Variants in HAPLN4 observed in about 807,000 individuals in gnomAD.
The protein encoded by HAPLN4 is brain link protein 2.
Under a neutral mutation model 28.0 loss-of-function variants are expected in HAPLN4, and 19 were observed. The ratio of observed to expected loss-of-function variants is 0.68; its 90% CI spans 0.47 to 1.00. The LOEUF (loss-of-function observed/expected upper bound fraction) is 1.00. Among genes scored for constraint, HAPLN4 ranks in the 50% least tolerant of loss-of-function variants. HAPLN4 has a pLI of 0.00. For missense variants in HAPLN4, 587 were observed against 602.6 expected (o/e 0.97, Z 0.27); for synonymous variants, 274 against 273.0 (o/e 1.00, Z -0.03).
intron 3 of HAPLN4, among the ~76,000 whole-genome samples, chr19:19,259,087 C>T (rs1471370039): frequency 6.6e-6 from 1 of 152,148 alleles, no homozygotes; most frequent in Non-Finnish European, 1.5e-5. Flanking sequence ...GTGTCCATCC[C>T]CTTCCACCTC....
In HAPLN4 at chr19:19,259,643, G is replaced by A. The variant is rs968068841; in HGVS notation, c.485-788C>T. Among the ~76,000 whole-genome samples the A allele has an allele frequency of 6.6e-5, 10 of 152,068 alleles. No individual in the cohort carries two copies. In the East Asian group the frequency reaches 1.9e-3, roughly 29 times the overall value. On this transcript the variant is annotated intron_variant, in intron 3 of 4. Coordinates refer to ENST00000291481, the MANE Select transcript of HAPLN4 (RefSeq NM_023002.3). ...TGCTGGTAATAGCTGTCTCCCTTGG[G>A]GTTTTTAGGAAATTAAATTAGAGAC...
rs1373006047 is a variant in HAPLN4, at chr19:19,255,677, G to A, written c.*2140C>T. 1.3e-5 allele frequency: 2 copies of A among 152,258 alleles called. No individual in the cohort carries two copies. The highest frequency in any genetic ancestry group is 4.8e-5 in the African/African-American group (2 of 41,446). 9.4% of individuals were successfully genotyped at this position (152,258 alleles called of 1,614,324 possible). ...ATCAAAAGAAACAAGGATTTATTGA[G>A]CCCCTACTGTATGCTTGGCACTCAC... On this transcript the variant is annotated 3_prime_UTR_variant, in exon 5 of 5. Coordinates refer to ENST00000291481, the MANE Select transcript of HAPLN4 (RefSeq NM_023002.3).
Position 19,255,325 on chromosome 19 carries a change from A to G in HAPLN4, c.*2492T>C, listed in dbSNP as rs929628829. 6.6e-6 allele frequency: 1 copy of G among 152,200 alleles called. No homozygotes were observed. Among genetic ancestry groups the G allele is most frequent in the African/African-American group, 2.4e-5 (1 of 41,426 alleles). 9.4% of individuals were successfully genotyped at this position (152,200 alleles called of 1,614,324 possible). A position where few individuals can be genotyped will look rare whatever the true frequency, so the allele number is the denominator to read the frequency against. The stretch of plus-strand genomic sequence containing the variant: ...TTTGGGAGGCCGAGGTGGGTAGATC[A>G]CCTGAGGTCAGGAGTTCAAGACCAG... On this transcript the variant is annotated 3_prime_UTR_variant, in exon 5 of 5. Coordinates refer to ENST00000291481, the MANE Select transcript of HAPLN4 (RefSeq NM_023002.3).
Position 19,260,925 on chromosome 19 carries a change from C to A in HAPLN4, c.372G>T (p.Gly124=), listed in dbSNP as rs943560539. 4.3e-6 allele frequency: 7 copies of A among 1,614,014 alleles called. No individual in the cohort carries two copies. The highest frequency in any genetic ancestry group is 5.1e-6 in the Non-Finnish European group (6 of 1,180,030). Residue 124 remains glycine (G), a synonymous_variant, in exon 3 of 5, where the codon GGG becomes GGT. Coordinates refer to ENST00000291481, the MANE Select transcript of HAPLN4 (RefSeq NM_023002.3). ...CGTTGCGGAGGACCAGGGAGGCATC[C>A]CCAGGCCCGTCGCCCTGCAGCTCAG... The part of the protein sequence containing the change: ...GRAELQGDGP[G]DASLVLRNVT...
At position 19,261,021 on chromosome 19, in the gene HAPLN4, C is replaced by G. The variant is rs781276292; in HGVS notation, c.276G>C (p.Pro92=). 6.2e-7 allele frequency: 1 copy of G among 1,613,582 alleles called. No individual in the cohort carries two copies. The highest frequency in any genetic ancestry group is 1.7e-5 in the Admixed American group (1 of 60,024). Residue 92 remains proline (P), a synonymous_variant, in exon 3 of 5, where the codon CCG becomes CCC. Coordinates refer to ENST00000291481, the MANE Select transcript of HAPLN4 (RefSeq NM_023002.3). ...CCACGAAGACGTCGGTGAAGGCCAG[C>G]GGGTCCACCACCTTTGTCCACTTGA... ...VRLKWTKVVD[P]LAFTDVFVAL... is the part of the protein sequence containing the mutation.
At chr19:19,261,817 A>G in intron 1 of HAPLN4, 1 of 378,414 alleles carries the variant, frequency 2.6e-6, no homozygotes, top group Non-Finnish European at 4.6e-6. Context: ...CCCCCACCCC[A>G]AAACCCGAGG....
In HAPLN4 at chr19:19,261,046, A is replaced by G; in HGVS notation, c.251T>C (p.Leu84Pro). 1 of 1,613,334 alleles carries G rather than the reference A, an allele frequency of 6.2e-7. No homozygotes were observed. The highest frequency in any genetic ancestry group is 1.3e-5 in the African/African-American group (1 of 75,028). Residue 84 changes from leucine to proline, a missense_variant, in exon 3 of 5, where the codon CTC becomes CCC. Leu to Pro is a moderately conservative substitution (Grantham distance 98). Coordinates refer to ENST00000291481, the MANE Select transcript of HAPLN4 (RefSeq NM_023002.3). ...AAAHGHDGVR[L>P]KWTKVVDPLA... ...CGGGTCCACCACCTTTGTCCACTTG[A>G]GCCGGACGCCGTCGTGACCGTGGGC...
At position 19,258,681 on chromosome 19, in the gene HAPLN4, T is replaced by C; in HGVS notation, c.659A>G (p.Gln220Arg). Residue 220 changes from glutamine (Q) to arginine (R), a missense_variant, in exon 4 of 5, where the codon CAA becomes CGA. Physicochemically the swap from Gln to Arg is conservative, Grantham distance 43. Transcript: ENST00000291481. This position sits in a 1 kb window ranked among gnomAD's most constrained non-coding sequence, Gnocchi z 6.2. ...CTCCCGGGGCCGGTTCACGGGGTATTGCACTGAGCCGTCGCGCAACCAGCC... is the reference window on the plus strand; with the variant it reads ...CTCCCGGGGCCGGTTCACGGGGTATCGCACTGAGCCGTCGCGCAACCAGCC... Reference protein sequence around the residue: ...NAGWLRDGSVQYPVNRPREPC... With the variant: ...NAGWLRDGSVRYPVNRPREPC... 1 of 1,609,336 alleles carries C rather than the reference T, an allele frequency of 6.2e-7. No homozygotes were observed. The highest frequency in any genetic ancestry group is 1.1e-5 in the South Asian group (1 of 90,772).
chr19:19,262,708 C>A (rs748697414), intron 1 of HAPLN4, 22 bp downstream of exon 1: 11 of 1,612,186 alleles, frequency 6.8e-6, no homozygotes, highest in Middle Eastern at 1.6e-4. Flanking sequence ...CACACACCAC[C>A]CGCGCCCGCA....
At position 19,255,970 on chromosome 19, in the gene HAPLN4, A is replaced by G. The variant is rs1568607277; in HGVS notation, c.*1847T>C. 2 of 152,412 alleles carry G rather than the reference A, an allele frequency of 1.3e-5. No homozygotes were observed. Among genetic ancestry groups the G allele is most frequent in the South Asian group, 4.1e-4 (2 of 4,828 alleles). 9.4% of individuals were successfully genotyped at this position (152,412 alleles called of 1,614,324 possible). A position where few individuals can be genotyped will look rare whatever the true frequency, so the allele number is the denominator to read the frequency against. On this transcript the variant is annotated 3_prime_UTR_variant, in exon 5 of 5. Transcript: ENST00000291481. ...ATCATGTCCCCCCAGCTGCCTGTCA[A>G]CGCCGAGGACTTCGGCTGGGTCCTG...
chr19:19,259,866 C>T (rs2060977596), intron 3 of HAPLN4, among the ~76,000 whole-genome samples: 1 of 152,204 alleles, frequency 6.6e-6, no homozygotes, highest in Non-Finnish European at 1.5e-5. Flanking sequence ...CCCCACCTCC[C>T]AGCTCCAGGG....
At chr19:19,260,453 G>A (rs2060979148) in intron 3 of HAPLN4, among the ~76,000 whole-genome samples, 1 of 152,108 alleles carries the variant, frequency 6.6e-6, no homozygotes, top group South Asian at 2.1e-4. Context: ...CTGACCTCAG[G>A]TGATCCGCCT....
chr19:19,260,953 C>G lies in HAPLN4; in HGVS notation c.344G>C (p.Arg115Pro). ...AGGCCCGTCGCCCTGCAGCTCAGCC[C>G]GCCCACGGTAGCTGCCGAATGCCCG... Reference protein sequence around the residue: ...QHRAFGSYRGRAELQGDGPGD... With the variant: ...QHRAFGSYRGPAELQGDGPGD... Residue 115 changes from arginine to proline, a missense_variant, in exon 3 of 5, where the codon CGG becomes CCG. Arg to Pro is a moderately radical substitution (Grantham distance 103). Coordinates refer to ENST00000291481, the MANE Select transcript of HAPLN4 (RefSeq NM_023002.3). 6.2e-7 allele frequency: 1 copy of G among 1,613,846 alleles called. No homozygotes were observed. Among genetic ancestry groups the G allele is most frequent in the Non-Finnish European group, 8.5e-7 (1 of 1,179,998 alleles).
At chr19:19,261,638 C>T (rs909487480) in intron 1 of HAPLN4, 75 bp from the exon 2 acceptor site, 8 of 991,334 alleles carry the variant, frequency 8.1e-6, no homozygotes, top group Admixed American at 6.9e-5. Flanking sequence ...CCTCCCGGGC[C>T]TGCCTTCCCC....
chr19:19,257,849 C>G lies in HAPLN4; in HGVS notation c.1177G>C (p.Asp393His). 1.4e-6 allele frequency: 2 copies of G among 1,413,240 alleles called. No individual in the cohort carries two copies. Among genetic ancestry groups the G allele is most frequent in the East Asian group, 2.8e-5 (1 of 36,082 alleles). The allele number at this position is 1,413,240 out of a possible 1,614,324, so 87.5% of individuals were successfully genotyped here. The change falls in exon 5 of 5, where the codon GAT becomes CAT. Residue 393 changes from aspartate (D) to histidine (H), a missense_variant. Transcript: ENST00000291481. Reference sequence around the variant, plus strand: ...TGCAGAGGGGTCCAGGCAGCAGGATCGCGCGCGCCCCCTGCCCAGCCGCCG... The same window carrying G: ...TGCAGAGGGGTCCAGGCAGCAGGATGGCGCGCGCCCCCTGCCCAGCCGCCG... ...GGGGWAGGAR[D>H]PAAWTPLHV
chr19:19,258,400 C>T lies in HAPLN4; in HGVS notation c.817+123G>A. 2 of 1,159,852 alleles carry T rather than the reference C, an allele frequency of 1.7e-6. No individual in the cohort carries two copies. The highest frequency in any genetic ancestry group is 2.4e-6 in the Non-Finnish European group (2 of 821,414). 71.8% of individuals were successfully genotyped at this position (1,159,852 alleles called of 1,614,324 possible). ...CGTTGGTACCAGGCGGTGTGTGCTG[C>T]GCCTAGGCACTCTTGGGAGAGGGGT... On this transcript the variant is annotated intron_variant, in intron 4 of 4. Transcript: ENST00000291481. The surrounding 1 kb of genome is among the most constrained non-coding windows in gnomAD (Gnocchi z 6.2).
At chr19:19,259,990 G>A (rs1339830328) in intron 3 of HAPLN4, among the ~76,000 whole-genome samples, 1 of 152,178 alleles carries the variant, frequency 6.6e-6, no homozygotes, top group Non-Finnish European at 1.5e-5. Context: ...CTGCTCCTAG[G>A]AAATCAGTTG....
chr19:19,257,848 TCG>T lies in HAPLN4; in HGVS notation c.1176_1177del (p.Asp393SerfsTer14). The T allele has an allele frequency of 5.0e-6, 7 of 1,412,550 alleles. No homozygotes were observed. The highest frequency in any genetic ancestry group is 6.4e-6 in the Non-Finnish European group (7 of 1,095,132). The allele number at this position is 1,412,550 out of a possible 1,614,324, so 87.5% of individuals were successfully genotyped here. On this transcript the variant is annotated frameshift_variant, in exon 5 of 5. Transcript: ENST00000291481. LOFTEE classifies it high-confidence loss of function. ...GTGCAGAGGGGTCCAGGCAGCAGGA[TCG>T]CGCGCGCCCCCTGCCCAGCCGCCGC...
chr19:19,261,532 G>A lies in HAPLN4; in HGVS notation c.35C>T (p.Ala12Val), dbSNP rs553017622. ...VCARAALGPG[A>V]LWAAAWGVLL... is the part of the protein sequence containing the mutation. ...GACGCCCCAGGCCGCGGCCCAGAGCGCGCCGGGACCGAGGGCCGCCCGAGC... is the reference window on the plus strand; with the variant it reads ...GACGCCCCAGGCCGCGGCCCAGAGCACGCCGGGACCGAGGGCCGCCCGAGC... The change falls in exon 2 of 5, where the codon GCG becomes GTG. Residue 12 changes from alanine (A) to valine (V), a missense_variant. Physicochemically the swap from Ala to Val is moderately conservative, Grantham distance 64. Transcript: ENST00000291481. The A allele has an allele frequency of 6.2e-5, 99 of 1,598,210 alleles. No homozygotes were observed. In the South Asian group the frequency reaches 1.1e-3, roughly 17 times the overall value.
Sources: allele counts gnomAD v4.1 joint callset (sites outside exome capture counted in the v4.1 genomes callset), GRCh38; gene constraint gnomAD v4.1.1; non-coding constraint Gnocchi (gnomAD v3.1); transcripts MANE v1.5; gene names NCBI Gene and HGNC (gene_info 2026-07-23, HGNC 2026-07-21).